HS6ST3: variants seen among roughly 807,000 people sequenced by gnomAD.
The protein encoded by HS6ST3 is heparan-sulfate 6-O-sulfotransferase 3.
A neutral mutation model predicts 36.7 loss-of-function variants in HS6ST3; 12 were observed. The ratio of observed to expected loss-of-function variants is 0.33; its 90% CI spans 0.21 to 0.53. The LOEUF (loss-of-function observed/expected upper bound fraction) is 0.53, where lower values mean the gene tolerates loss of function less well. Among genes scored for constraint, HS6ST3 ranks in the 20% least tolerant of loss-of-function variants. The pLI, the probability that HS6ST3 is intolerant of heterozygous loss-of-function variation, is 0.95. For missense variants in HS6ST3, 584 were observed against 640.9 expected (o/e 0.91, Z 0.96); for synonymous variants, 240 against 257.5 (o/e 0.93, Z 0.65).
intron 1 of HS6ST3, among the ~76,000 whole-genome samples, chr13:96,819,290 G>T (rs1878483321): frequency 6.6e-6 from 1 of 152,078 alleles, no homozygotes; most frequent in South Asian, 2.1e-4. Flanking sequence ...AGAGACCCCA[G>T]ACTTTATTTA....
intron 1 of HS6ST3, among the ~76,000 whole-genome samples, chr13:96,248,788 A>G (rs1566300839): frequency 2.6e-5 from 4 of 152,180 alleles, no homozygotes; most frequent in South Asian, 4.1e-4. Flanking sequence ...TATTCAAAGT[A>G]TTTTTTAAAT....
chr13:96,697,866 C>T (rs1034560975), intron 1 of HS6ST3, among the ~76,000 whole-genome samples: 7 of 152,124 alleles, frequency 4.6e-5, no homozygotes, highest in East Asian at 1.9e-4. Flanking sequence ...TTGAAGACAA[C>T]GGTACAATGC....
At chr13:96,642,464 A>G (rs2056573683) in intron 1 of HS6ST3, among the ~76,000 whole-genome samples, 1 of 151,860 alleles carries the variant, frequency 6.6e-6, no homozygotes, top group Admixed American at 6.6e-5. Context: ...ACTTCTTTGA[A>G]TATTCTTTCT....
intron 1 of HS6ST3, among the ~76,000 whole-genome samples, chr13:96,680,211 A>AT (rs1344709607): frequency 4.0e-5 from 6 of 151,564 alleles, no homozygotes; most frequent in Non-Finnish European, 7.4e-5. Flanking sequence ...CCTCTCAATC[A>AT]TTTTCTGCAC....
At chr13:96,500,520 G>T (rs1395209748) in intron 1 of HS6ST3, among the ~76,000 whole-genome samples, 1 of 152,082 alleles carries the variant, frequency 6.6e-6, no homozygotes, top group Non-Finnish European at 1.5e-5. Flanking sequence ...AGGTATACGT[G>T]GGGGGACCAA....
intron 1 of HS6ST3, among the ~76,000 whole-genome samples, chr13:96,321,128 T>A (rs958171462): frequency 1.5e-4 from 22 of 150,414 alleles, no homozygotes; most frequent in African/African-American, 4.6e-4. Context: ...TTTTTTTTTT[T>A]AAAAGAAGTA....
chr13:96,832,707 C>G lies in HS6ST3; in HGVS notation c.925C>G (p.Arg309Gly). The change falls in exon 2 of 2, where the codon CGC becomes GGC. Residue 309 changes from arginine (R) to glycine (G), a missense_variant. Arg to Gly is a moderately radical substitution (Grantham distance 125). This residue lies in a region of HS6ST3 where 360 missense variants were observed against 411.3 expected (regional missense o/e 0.88). Coordinates refer to ENST00000376705, the MANE Select transcript of HS6ST3 (RefSeq NM_153456.4). ...TTGCACCTACAACCTGGCTAACAAT[C>G]GCCAGGTGCGCATGCTGGCTGACCT... The part of the protein sequence containing the change: ...MDCTYNLANN[R>G]QVRMLADLSL... 6.2e-7 allele frequency: 1 copy of G among 1,613,906 alleles called. No individual in the cohort carries two copies. The highest frequency in any genetic ancestry group is 8.5e-7 in the Non-Finnish European group (1 of 1,179,858).
chr13:96,337,359 G>A (rs1029192863), intron 1 of HS6ST3, among the ~76,000 whole-genome samples: 7 of 152,344 alleles, frequency 4.6e-5, no homozygotes, highest in African/African-American at 1.7e-4. Flanking sequence ...ACAGGCGTGA[G>A]CCACCGCGCC....
chr13:96,090,639 C>G lies in HS6ST3; in HGVS notation c.-224C>G, dbSNP rs1356056217. Among the ~76,000 whole-genome samples, 3 of 146,304 alleles carry G rather than the reference C, an allele frequency of 2.1e-5. No individual in the cohort carries two copies. The highest frequency in any genetic ancestry group is 2.1e-4 in the South Asian group (1 of 4,778). ...GGGCGCCCCACGCCGCAGCCGCAGC[C>G]GAGCGCGCCGGCGCCCGCCTCCCCC... On this transcript the variant is annotated 5_prime_UTR_variant, in exon 1 of 2. Transcript: ENST00000376705.
At chr13:96,555,140 G>A (rs2056235588) in intron 1 of HS6ST3, among the ~76,000 whole-genome samples, 1 of 152,008 alleles carries the variant, frequency 6.6e-6, no homozygotes, top group Admixed American at 6.6e-5. Context: ...AGAGTAAAGT[G>A]GGATGCTGTA....
intron 1 of HS6ST3, among the ~76,000 whole-genome samples, chr13:96,644,176 A>G (rs1032744284): frequency 6.6e-6 from 1 of 151,962 alleles, no homozygotes; most frequent in Non-Finnish European, 1.5e-5. Context: ...ATCATATTGC[A>G]TATGATAATG....
At chr13:96,467,688 A>G (rs2055821051) in intron 1 of HS6ST3, among the ~76,000 whole-genome samples, 1 of 152,196 alleles carries the variant, frequency 6.6e-6, no homozygotes, top group Non-Finnish European at 1.5e-5. Flanking sequence ...TATGATAACC[A>G]TTCTTCACAT....
At chr13:96,763,358 G>A (rs1480474973) in intron 1 of HS6ST3, among the ~76,000 whole-genome samples, 1 of 150,328 alleles carries the variant, frequency 6.7e-6, no homozygotes, top group African/African-American at 2.4e-5. Context: ...GGGAGTCATG[G>A]CACACACCTC....
intron 1 of HS6ST3, among the ~76,000 whole-genome samples, chr13:96,615,870 G>T (rs2056472739): frequency 6.6e-6 from 1 of 152,136 alleles, no homozygotes; most frequent in Non-Finnish European, 1.5e-5. Context: ...AGTTTACTCT[G>T]GGAAAGCAGT....
rs2056178193 is a variant in HS6ST3 at position 96,541,633 on chromosome 13, A to G, written c.708-290857A>G. Among the ~76,000 whole-genome samples, 5 of 152,308 alleles carry G rather than the reference A, an allele frequency of 3.3e-5. No individual in the cohort carries two copies. The South Asian group carries it at 1.0e-3, about 32-fold the overall frequency. ...CAGGTGGTATAAAAATGCAAAATGT[A>G]ATGAGAATGATAACTTTACTGAGAA... is the stretch of plus-strand genomic sequence containing the variant. On this transcript the variant is annotated intron_variant, in intron 1 of 1. Coordinates refer to ENST00000376705, the MANE Select transcript of HS6ST3 (RefSeq NM_153456.4).
chr13:96,406,519 T>C (rs1247871294), intron 1 of HS6ST3, among the ~76,000 whole-genome samples: 1 of 152,254 alleles, frequency 6.6e-6, no homozygotes. Flanking sequence ...GCAGAATGTT[T>C]TAGCTATCAT....
At chr13:96,781,725 A>G (rs917270842) in intron 1 of HS6ST3, among the ~76,000 whole-genome samples, 2 of 152,236 alleles carry the variant, frequency 1.3e-5, no homozygotes, top group African/African-American at 4.8e-5. Flanking sequence ...TTGGGCCTCA[A>G]AAATAATCTC....
At chr13:96,714,469 T>C (rs926697362) in intron 1 of HS6ST3, among the ~76,000 whole-genome samples, 2 of 152,166 alleles carry the variant, frequency 1.3e-5, no homozygotes, top group Non-Finnish European at 2.9e-5. Flanking sequence ...TTCTCAAGTT[T>C]CCAAAATTAA....
intron 1 of HS6ST3, among the ~76,000 whole-genome samples, chr13:96,793,191 G>T (rs1004486448): frequency 1.3e-5 from 2 of 151,990 alleles, no homozygotes; most frequent in Non-Finnish European, 2.9e-5. Flanking sequence ...GTAATGAGGT[G>T]CCCTCTTTGT....
Sources: allele counts gnomAD v4.1 joint callset (sites outside exome capture counted in the v4.1 genomes callset), GRCh38; gene constraint gnomAD v4.1.1; regional missense constraint gnomAD v4.1.1; transcripts MANE v1.5; gene names NCBI Gene and HGNC (gene_info 2026-07-23, HGNC 2026-07-21).